Variants in TRABD2B observed in about 807,000 individuals in gnomAD.
TRABD2B encodes the protein metalloprotease TIKI2.
TRABD2B carries 14 observed loss-of-function variants against 40.1 expected under a neutral mutation model. That is an observed-to-expected ratio of 0.35 (90% CI 0.23 to 0.55). The LOEUF (loss-of-function observed/expected upper bound fraction) is 0.55, where lower values mean the gene tolerates loss of function less well. TRABD2B is among the 20% of genes least tolerant of loss of function. The pLI, the probability that TRABD2B is intolerant of heterozygous loss-of-function variation, is 0.90. For missense variants in TRABD2B, 541 were observed against 648.6 expected, an observed-to-expected ratio of 0.83 and a Z score of 1.80; for synonymous variants, 263 against 277.0, an observed-to-expected ratio of 0.95 and a Z score of 0.50.
intron 3 of TRABD2B, among the ~76,000 whole-genome samples, chr1:47,798,313 A>G (rs1281183732): frequency 2.6e-5 from 4 of 152,178 alleles, no homozygotes; most frequent in Non-Finnish European, 5.9e-5. Context: ...TTGATCCTCA[A>G]TTGTATCTGA....
chr1:47,881,396 T>G (rs1644301937), intron 2 of TRABD2B, among the ~76,000 whole-genome samples: 1 of 152,222 alleles, frequency 6.6e-6, no homozygotes, highest in Non-Finnish European at 1.5e-5. Context: ...GACAGAATAA[T>G]ACCAGTTAAT....
chr1:47,962,941 C>A (rs530179451), intron 2 of TRABD2B, among the ~76,000 whole-genome samples: 1 of 152,286 alleles, frequency 6.6e-6, no homozygotes, highest in Admixed American at 6.5e-5. Flanking sequence ...GCCATGCAAG[C>A]AGGCCTGCTG....
chr1:47,968,041 T>C (rs1296183058), intron 2 of TRABD2B, among the ~76,000 whole-genome samples: 3 of 152,366 alleles, frequency 2.0e-5, no homozygotes, highest in Non-Finnish European at 4.4e-5. Flanking sequence ...TAATGCATAA[T>C]GCAATGATGA....
At chr1:47,854,866 A>C (rs1238208655) in intron 2 of TRABD2B, among the ~76,000 whole-genome samples, 1 of 151,342 alleles carries the variant, frequency 6.6e-6, no homozygotes, top group Non-Finnish European at 1.5e-5. Context: ...TAGGGGAGAG[A>C]GTATGCCTTT....
At chr1:47,772,630 A>C (rs1269410518) in intron 6 of TRABD2B, among the ~76,000 whole-genome samples, 1 of 152,122 alleles carries the variant, frequency 6.6e-6, no homozygotes, top group Non-Finnish European at 1.5e-5. Flanking sequence ...AAATGGGAGT[A>C]AAAGCTTCCC....
chr1:47,783,686 G>A (rs1457077030), intron 4 of TRABD2B, among the ~76,000 whole-genome samples: 1 of 152,190 alleles, frequency 6.6e-6, no homozygotes, highest in Non-Finnish European at 1.5e-5. Flanking sequence ...TGATGTTTTA[G>A]TGCAAAGAAA....
At chr1:47,795,624 G>C (rs1350213753) in intron 3 of TRABD2B, 1 of 982,064 alleles carries the variant, frequency 1.0e-6, no homozygotes, top group African/African-American at 1.7e-5. Context: ...TGATGATATT[G>C]TGGGGATTCA....
intron 2 of TRABD2B, chr1:47,820,098 ATGTTTAT>A (rs1645085996): frequency 6.6e-6 from 1 of 152,104 alleles, no homozygotes; most frequent in Admixed American, 6.5e-5. Flanking sequence ...CTCACTTATC[ATGTTTAT>A]TGTTTATCAC....
rs12025206 is a variant in TRABD2B at position 47,814,766 on chromosome 1, G to A, written c.667-13147C>T. Among the ~76,000 whole-genome samples, 6 of 152,322 alleles carry A rather than the reference G, an allele frequency of 3.9e-5. No homozygotes were observed. The East Asian group carries it at 1.2e-3, about 29-fold the overall frequency. ...GGGACTCTGTGGTGCTGACAGTCCA[G>A]GGAACAGATACTCCTCCCAGGGTGC... On this transcript the variant is annotated intron_variant, in intron 2 of 6. Coordinates refer to ENST00000606738, the MANE Select transcript of TRABD2B (RefSeq NM_001194986.2).
At position 47,870,516 on chromosome 1, in the gene TRABD2B, T is replaced by C. The variant is rs541959588; in HGVS notation, c.667-68897A>G. On this transcript the variant is annotated intron_variant, in intron 2 of 6. Coordinates refer to ENST00000606738, the MANE Select transcript of TRABD2B (RefSeq NM_001194986.2). ...GCACCCACCTATGTCTGTCTGTGTC[T>C]TTATGATGGCACTTGTCACCATGCA... Among the ~76,000 whole-genome samples the C allele has an allele frequency of 7.2e-5, 11 of 152,314 alleles. No individual in the cohort carries two copies. The South Asian group carries it at 2.3e-3, about 32-fold the overall frequency.
At chr1:47,782,867 C>T (rs1260542712) in intron 4 of TRABD2B, among the ~76,000 whole-genome samples, 1 of 152,192 alleles carries the variant, frequency 6.6e-6, no homozygotes, top group African/African-American at 2.4e-5. Context: ...TGTTGGGGCT[C>T]AGCCTGCAAG....
At chr1:47,956,043 C>G (rs1271719650) in intron 2 of TRABD2B, among the ~76,000 whole-genome samples, 1 of 152,214 alleles carries the variant, frequency 6.6e-6, no homozygotes, top group African/African-American at 2.4e-5. Flanking sequence ...ATTTGCTAAA[C>G]TTGCTGCCAT....
chr1:47,966,143 CAGGGAGGTGGCAGGG>C (rs1645599484), intron 2 of TRABD2B, among the ~76,000 whole-genome samples: 3 of 152,278 alleles, frequency 2.0e-5, no homozygotes, highest in Middle Eastern at 3.4e-3. Flanking sequence ...GCATAGACAG[CAGGGAGGTGGCAGGG>C]CTGTGTGTTA....
intron 4 of TRABD2B, among the ~76,000 whole-genome samples, chr1:47,785,593 C>T (rs948703403): frequency 2.6e-5 from 4 of 152,224 alleles, no homozygotes; most frequent in Non-Finnish European, 5.9e-5. Context: ...CCCTGTGTCA[C>T]GCTGGCAGAA....
At chr1:47,851,836 C>T (rs146484930) in intron 2 of TRABD2B, among the ~76,000 whole-genome samples, 3 of 152,238 alleles carry the variant, frequency 2.0e-5, no homozygotes, top group East Asian at 1.9e-4. Flanking sequence ...ATTTTATTGG[C>T]GAGGAACCCT....
At chr1:47,843,525 T>C (rs1210012175) in intron 2 of TRABD2B, among the ~76,000 whole-genome samples, 1 of 152,102 alleles carries the variant, frequency 6.6e-6, no homozygotes, top group Admixed American at 6.5e-5. Context: ...CATTTTGAAG[T>C]GCCTGCTGAA....
At chr1:47,895,751 C>T (rs1178470720) in intron 2 of TRABD2B, among the ~76,000 whole-genome samples, 1 of 152,224 alleles carries the variant, frequency 6.6e-6, no homozygotes, top group Non-Finnish European at 1.5e-5. Context: ...TTGGGTGATC[C>T]TCTGGGCTGA....
chr1:47,796,563 C>T (rs1236456614), intron 3 of TRABD2B, among the ~76,000 whole-genome samples: 1 of 152,234 alleles, frequency 6.6e-6, no homozygotes, highest in Non-Finnish European at 1.5e-5. Context: ...CCTCTGCTAT[C>T]TGCTGGCCAA....
chr1:47,981,469 G>A (rs1300992335), intron 2 of TRABD2B, among the ~76,000 whole-genome samples: 1 of 152,148 alleles, frequency 6.6e-6, no homozygotes, highest in African/African-American at 2.4e-5. Context: ...CCTGTAAAAT[G>A]CGGCTGAATC....
Sources: allele counts gnomAD v4.1 joint callset (sites outside exome capture counted in the v4.1 genomes callset), GRCh38; gene constraint gnomAD v4.1.1; transcripts MANE v1.5; gene names NCBI Gene and HGNC (gene_info 2026-07-23, HGNC 2026-07-21).